The following SYNE3 variants were observed in gnomAD, a reference collection of about 807,000 sequenced individuals.
SYNE3 encodes the protein nesprin-3.
In SYNE3, 100 loss-of-function variants were observed where a neutral mutation model predicts 111.2. That is an observed-to-expected ratio of 0.90 (90% CI 0.77 to 1.06). The LOEUF (loss-of-function observed/expected upper bound fraction) is 1.06. Ranked by LOEUF, SYNE3 falls within the 50% of genes least tolerant of loss-of-function variation. The probability of loss-of-function intolerance (pLI) is 0.00; values close to 1 mark genes in which losing one functional copy is unlikely to be tolerated. For missense variants in SYNE3, 1,160 were observed against 1,240.3 expected, an observed-to-expected ratio of 0.94 and a Z score of 0.97; for synonymous variants, 547 against 533.9, an observed-to-expected ratio of 1.02 and a Z score of -0.34.
chr14:95,459,079 T>C (rs1374596935), intron 4 of SYNE3, among the ~76,000 whole-genome samples: 2 of 152,194 alleles, frequency 1.3e-5, no homozygotes, highest in Non-Finnish European at 2.9e-5. Context: ...AGGAAATGCT[T>C]TTAGCTTGGC....
At position 95,452,159 on chromosome 14, in the gene SYNE3, T is replaced by C. The variant is rs537125101; in HGVS notation, c.1274+88A>G. ...GAATGATTTAGAAGTTACTATGTTG[T>C]AGGAGAAAGCAAGCCCGCCTTCTGG... On this transcript the variant is annotated intron_variant, in intron 7 of 17. Coordinates refer to ENST00000682763, the MANE Select transcript of SYNE3 (RefSeq NM_152592.6). 107 of 1,438,154 alleles carry C rather than the reference T, an allele frequency of 7.4e-5. 1 individual carries two copies. The highest frequency in any genetic ancestry group is 1.9e-5 in the Non-Finnish European group (20 of 1,069,664). The allele number at this position is 1,438,154 out of a possible 1,614,324, so 89.1% of individuals were successfully genotyped here.
chr14:95,494,814 A>G (rs192474525), intron 1 of SYNE3, among the ~76,000 whole-genome samples: 7 of 152,112 alleles, frequency 4.6e-5, no homozygotes, highest in African/African-American at 1.4e-4. Context: ...CCTGCTCTTC[A>G]AAAAAAAGGC....
chr14:95,451,491 G>A (rs1364244229), intron 7 of SYNE3: 4 of 152,168 alleles, frequency 2.6e-5, no homozygotes, highest in Admixed American at 6.5e-5. Flanking sequence ...TTGTGCACAG[G>A]AAATCCAACC....
chr14:95,433,173 C>T, intron 16 of SYNE3, 87 bp downstream of exon 16: 1 of 1,528,792 alleles, frequency 6.5e-7, no homozygotes, highest in Non-Finnish European at 8.8e-7. Context: ...AGGGTGGATG[C>T]AGGCTTAGCA....
chr14:95,440,219 G>T, intron 11 of SYNE3, 144 bp from the exon 12 acceptor site: 1 of 877,304 alleles, frequency 1.1e-6, no homozygotes, highest in Non-Finnish European at 1.7e-6. Context: ...GGCTGGGCTG[G>T]CCCTTCCCTC....
intron 9 of SYNE3, among the ~76,000 whole-genome samples, 188 bp from the exon 10 acceptor site, chr14:95,444,816 C>G (rs901650930): frequency 2.6e-5 from 4 of 152,192 alleles, no homozygotes; most frequent in Non-Finnish European, 4.4e-5. Context: ...GTCACTACAG[C>G]GTCCTCACAG....
chr14:95,478,667 A>G (rs1220338713), intron 1 of SYNE3, among the ~76,000 whole-genome samples: 1 of 151,814 alleles, frequency 6.6e-6, no homozygotes, highest in Non-Finnish European at 1.5e-5. Flanking sequence ...GCAGAGGTAT[A>G]CTCTTCCTGT....
chr14:95,498,554 T>G (rs1890196466), intron 1 of SYNE3, among the ~76,000 whole-genome samples: 1 of 152,194 alleles, frequency 6.6e-6, no homozygotes, highest in Non-Finnish European at 1.5e-5. Context: ...CACTAGACTT[T>G]CAGAAAAAGT....
chr14:95,462,930 CG>C (rs1338358838), intron 4 of SYNE3, among the ~76,000 whole-genome samples: 1 of 152,118 alleles, frequency 6.6e-6, no homozygotes, highest in East Asian at 1.9e-4. Context: ...GAGGCCAAGG[CG>C]GATCACCTGA....
At chr14:95,513,769 A>ATATATATATATATATG (rs1193746486) in intron 1 of SYNE3, among the ~76,000 whole-genome samples, 4 of 133,438 alleles carry the variant, frequency 3.0e-5, no homozygotes, top group Admixed American at 7.7e-5. Context: ...ATATATATAT[A>ATATATATATATATATG]TATTCAGAAT....
chr14:95,476,446 C>T (rs1283047118), intron 1 of SYNE3, among the ~76,000 whole-genome samples: 2 of 152,242 alleles, frequency 1.3e-5, no homozygotes, highest in African/African-American at 4.8e-5. Context: ...CTCGCAACCA[C>T]TGAAAACGAA....
chr14:95,454,394 A>G (rs1025569970), intron 6 of SYNE3, among the ~76,000 whole-genome samples: 1 of 152,258 alleles, frequency 6.6e-6, no homozygotes, highest in African/African-American at 2.4e-5. Flanking sequence ...CATTTCACAC[A>G]TAACAGAGGT....
At chr14:95,454,607 C>T (rs918172558) in intron 6 of SYNE3, among the ~76,000 whole-genome samples, 2 of 152,212 alleles carry the variant, frequency 1.3e-5, no homozygotes, top group African/African-American at 2.4e-5. Flanking sequence ...GCTACAAGAT[C>T]GAATGAGAAG....
At chr14:95,424,747 C>T (rs572078911) in intron 17 of SYNE3, among the ~76,000 whole-genome samples, 23 of 152,204 alleles carry the variant, frequency 1.5e-4, no homozygotes, top group Admixed American at 1.0e-3. Context: ...ACAAACTGTC[C>T]GGCCTGTACT....
rs543521552 is a variant in SYNE3, at chr14:95,441,008, C to T, written c.1912-933G>A. 7.2e-5 allele frequency among the ~76,000 whole-genome samples: 11 copies of T among 152,336 alleles called. No homozygotes were observed. In the South Asian group the frequency reaches 2.3e-3, roughly 32 times the overall value. On this transcript the variant is annotated intron_variant, in intron 11 of 17. Transcript: ENST00000682763. Reference sequence around the variant, plus strand: ...CACCAGGAAAGGTGGACACTGTCCCCAGAAGGGCAGCCATTCTCTATGCCT... The same window carrying T: ...CACCAGGAAAGGTGGACACTGTCCCTAGAAGGGCAGCCATTCTCTATGCCT...
At chr14:95,487,191 C>T (rs1016662417) in intron 1 of SYNE3, among the ~76,000 whole-genome samples, 1 of 152,210 alleles carries the variant, frequency 6.6e-6, no homozygotes, top group Non-Finnish European at 1.5e-5. Flanking sequence ...CTGGTAGAAG[C>T]GACTTCTCCT....
rs534991321 is a variant in SYNE3 at position 95,469,702 on chromosome 14, C to T, written c.145-1735G>A. Reference sequence around the variant, plus strand: ...CTCCAGCCTGGGTGCCACAGCGAGACCATGTCTCAAAAAATAATATTAAAA... The same window carrying T: ...CTCCAGCCTGGGTGCCACAGCGAGATCATGTCTCAAAAAATAATATTAAAA... On this transcript the variant is annotated intron_variant, in intron 2 of 17. Transcript: ENST00000682763. 2.2e-4 allele frequency among the ~76,000 whole-genome samples: 34 copies of T among 151,876 alleles called. No individual in the cohort carries two copies. The South Asian group carries it at 5.2e-3, about 23-fold the overall frequency.
chr14:95,467,589 G>A lies in SYNE3; in HGVS notation c.317+206C>T, dbSNP rs183618280. Among the ~76,000 whole-genome samples, 164 of 152,326 alleles carry A rather than the reference G, an allele frequency of 1.1e-3. 3 individuals carry two copies. Among genetic ancestry groups the A allele is most frequent in the Admixed American group, 3.7e-3 (57 of 15,304 alleles). ...CTCTTAGGAATTGTTGACAAAACAC[G>A]CTGGGTTCCCAGTGTCTATTATCAT... On this transcript the variant is annotated intron_variant, in intron 3 of 17. Coordinates refer to ENST00000682763, the MANE Select transcript of SYNE3 (RefSeq NM_152592.6).
intron 9 of SYNE3, 86 bp downstream of exon 9, chr14:95,445,823 T>C: frequency 1.4e-6 from 2 of 1,465,510 alleles, no homozygotes; most frequent in Admixed American, 1.7e-5. Flanking sequence ...GAGCTGAGTT[T>C]AGAACATAAG....
Sources: allele counts gnomAD v4.1 joint callset (sites outside exome capture counted in the v4.1 genomes callset), GRCh38; gene constraint gnomAD v4.1.1; transcripts MANE v1.5; gene names NCBI Gene and HGNC (gene_info 2026-07-23, HGNC 2026-07-21).